Variants in ARMH3 observed in about 807,000 individuals in gnomAD.
The protein encoded by ARMH3 is armadillo-like helical domain-containing protein 3.
ARMH3 carries 60 observed loss-of-function variants against 99.1 expected under a neutral mutation model. That is an observed-to-expected ratio of 0.61 (90% CI 0.49 to 0.75). ARMH3 has a LOEUF of 0.75. Ranked by LOEUF, ARMH3 falls within the 30% of genes least tolerant of loss-of-function variation. The pLI is 0.00. For synonymous variants in ARMH3, 285 were observed against 292.8 expected, an observed-to-expected ratio of 0.97 and a Z score of 0.27; for missense variants, 679 against 843.1, an observed-to-expected ratio of 0.81 and a Z score of 2.41.
At chr10:102,019,578 T>C (rs1447060752) in intron 8 of ARMH3, among the ~76,000 whole-genome samples, 1 of 152,102 alleles carries the variant, frequency 6.6e-6, no homozygotes, top group Admixed American at 6.6e-5. Context: ...AGGCCTATGC[T>C]AATTTGTGTG....
intron 17 of ARMH3, among the ~76,000 whole-genome samples, 190 bp from the exon 18 acceptor site, chr10:101,992,228 C>T (rs892820300): frequency 3.3e-5 from 5 of 152,054 alleles, no homozygotes; most frequent in African/African-American, 1.2e-4. Flanking sequence ...CTTGTGAATG[C>T]TTCAGTTATC....
chr10:101,985,257 T>C (rs1047372502), intron 19 of ARMH3, among the ~76,000 whole-genome samples: 2 of 149,086 alleles, frequency 1.3e-5, no homozygotes, highest in South Asian at 2.1e-4. Context: ...TGTGTATATA[T>C]ATGTGTATAT....
intron 1 of ARMH3, among the ~76,000 whole-genome samples, chr10:102,051,194 T>C (rs1017112668): frequency 2.1e-5 from 3 of 145,254 alleles, no homozygotes; most frequent in African/African-American, 7.6e-5. Flanking sequence ...AAAAGTCAAG[T>C]GGGCGCAGTG....
intron 24 of ARMH3, among the ~76,000 whole-genome samples, chr10:101,868,956 C>T (rs944576611): frequency 6.6e-6 from 1 of 151,710 alleles, no homozygotes; most frequent in African/African-American, 2.4e-5. Flanking sequence ...CCTGTAATCC[C>T]AGCTGCTTGG....
chr10:101,977,289 T>C (rs1211734279), intron 19 of ARMH3, among the ~76,000 whole-genome samples: 1 of 152,196 alleles, frequency 6.6e-6, no homozygotes, highest in Non-Finnish European at 1.5e-5. Flanking sequence ...ATAAATGATA[T>C]TTTTAAAAAT....
chr10:101,930,389 C>T (rs1237301006), intron 23 of ARMH3, among the ~76,000 whole-genome samples: 1 of 151,934 alleles, frequency 6.6e-6, no homozygotes, highest in Non-Finnish European at 1.5e-5. Context: ...AGAAAGAAAA[C>T]TTATTAGGTT....
chr10:101,850,103 T>C (rs2066558404), intron 24 of ARMH3, among the ~76,000 whole-genome samples: 1 of 145,312 alleles, frequency 6.9e-6, no homozygotes, highest in Non-Finnish European at 1.5e-5. Context: ...TTTTTTTTTT[T>C]TTTTTTTTTT....
At chr10:102,014,056 T>C (rs750259599) in intron 8 of ARMH3, 32 bp from the exon 9 acceptor site, 15 of 1,551,302 alleles carry the variant, frequency 9.7e-6, no homozygotes, top group Non-Finnish European at 1.2e-5. Flanking sequence ...TCCAGGTAAG[T>C]CTGACCTAGT....
At chr10:102,048,094 A>G (rs2067602417) in intron 1 of ARMH3, among the ~76,000 whole-genome samples, 1 of 152,246 alleles carries the variant, frequency 6.6e-6, no homozygotes, top group Admixed American at 6.5e-5. Context: ...GCCTTAAACC[A>G]GACTTGGAAA....
At chr10:102,054,868 C>T (rs1038228579) in intron 1 of ARMH3, among the ~76,000 whole-genome samples, 1 of 151,426 alleles carries the variant, frequency 6.6e-6, no homozygotes, top group Admixed American at 6.6e-5. Flanking sequence ...TGGTAGCTCA[C>T]GTCTGTAATC....
chr10:102,025,054 G>T (rs2066971192), intron 6 of ARMH3, 102 bp downstream of exon 6: 1 of 981,980 alleles, frequency 1.0e-6, no homozygotes, highest in East Asian at 2.4e-5. Flanking sequence ...TACCCTCATT[G>T]AGAATATTTC....
intron 19 of ARMH3, among the ~76,000 whole-genome samples, chr10:101,989,373 T>C (rs1590142210): frequency 6.6e-6 from 1 of 150,842 alleles, no homozygotes; most frequent in South Asian, 2.1e-4. Context: ...TGTCACAAAG[T>C]AAAAAGAAAA....
intron 18 of ARMH3, 65 bp downstream of exon 18, chr10:101,991,904 T>A: frequency 2.8e-6 from 4 of 1,420,440 alleles, no homozygotes; most frequent in Non-Finnish European, 4.0e-6. Flanking sequence ...GTTCTACTCT[T>A]CATCTTCATC....
intron 24 of ARMH3, among the ~76,000 whole-genome samples, chr10:101,874,828 A>C (rs750169058): frequency 6.6e-5 from 10 of 152,090 alleles, no homozygotes; most frequent in African/African-American, 9.7e-5. Flanking sequence ...GTTCAAGGAG[A>C]ACGGGGAGGT....
intron 24 of ARMH3, among the ~76,000 whole-genome samples, chr10:101,873,402 AT>A (rs2067182749): frequency 6.6e-6 from 1 of 151,924 alleles, no homozygotes; most frequent in Admixed American, 6.6e-5. Flanking sequence ...ACAGGGCAAG[AT>A]TCTGTCAAAA....
At chr10:101,965,443 C>T (rs928939556) in intron 20 of ARMH3, among the ~76,000 whole-genome samples, 1 of 152,164 alleles carries the variant, frequency 6.6e-6, no homozygotes, top group African/African-American at 2.4e-5. Flanking sequence ...TCAAAATGAA[C>T]CCCGGGCAGC....
At chr10:102,017,573 C>T (rs2066778041) in intron 8 of ARMH3, among the ~76,000 whole-genome samples, 1 of 152,202 alleles carries the variant, frequency 6.6e-6, no homozygotes, top group African/African-American at 2.4e-5. Flanking sequence ...GTTCCTATCA[C>T]ATATAACCCT....
intron 23 of ARMH3, among the ~76,000 whole-genome samples, chr10:101,893,187 G>A (rs963515441): frequency 1.3e-5 from 2 of 152,182 alleles, no homozygotes; most frequent in Non-Finnish European, 2.9e-5. Flanking sequence ...TTCACTCAGG[G>A]TGGAGTCTGA....
intron 1 of ARMH3, among the ~76,000 whole-genome samples, chr10:102,052,560 C>T (rs962452813): frequency 2.0e-5 from 3 of 152,066 alleles, no homozygotes; most frequent in African/African-American, 4.8e-5. Context: ...AAGGTACCTG[C>T]AATCTTGCAA....
Sources: allele counts gnomAD v4.1 joint callset (sites outside exome capture counted in the v4.1 genomes callset), GRCh38; gene constraint gnomAD v4.1.1; transcripts MANE v1.5; gene names NCBI Gene and HGNC (gene_info 2026-07-23, HGNC 2026-07-21).